PEAK1: variants seen among roughly 807,000 people sequenced by gnomAD.
PEAK1 encodes the protein inactive tyrosine-protein kinase PEAK1.
A neutral mutation model predicts 124.7 loss-of-function variants in PEAK1; 54 were observed. The observed-to-expected ratio is 0.43, with a 90% CI of 0.35 to 0.54. PEAK1 has a LOEUF of 0.54. Ranked by LOEUF, PEAK1 falls within the 20% of genes least tolerant of loss-of-function variation. PEAK1 has a pLI of 0.01. For synonymous variants in PEAK1, 719 were observed against 760.0 expected (o/e 0.95, Z 0.89); for missense variants, 2,046 against 2,134.5 (o/e 0.96, Z 0.82).
In PEAK1 at chr15:77,180,399, T is replaced by C; in HGVS notation, c.1528A>G (p.Thr510Ala). 1 of 1,614,180 alleles carries C rather than the reference T, an allele frequency of 6.2e-7. No homozygotes were observed. The highest frequency in any genetic ancestry group is 8.5e-7 in the Non-Finnish European group (1 of 1,180,014). Residue 510 changes from threonine to alanine, a missense_variant, in exon 7 of 10, where the codon ACA becomes GCA. By Grantham distance (58) the Thr-to-Ala change is moderately conservative (BLOSUM62 0). Transcript: ENST00000682557. ...TGTCCTGGTGTCAATGAAGATGATG[T>C]AACTGGAGAGTTTGGAGTAGAGGAT... ...SSSSTPNSPV[T>A]SSSLTPGQIS...
At chr15:77,151,192 A>C (rs1237883814) in intron 8 of PEAK1, among the ~76,000 whole-genome samples, 1 of 151,686 alleles carries the variant, frequency 6.6e-6, no homozygotes, top group Non-Finnish European at 1.5e-5. Context: ...CTGACTTTTT[A>C]ATGATCACCA....
chr15:77,252,453 T>A lies in PEAK1; in HGVS notation c.-201A>T, dbSNP rs1348115359. 2.4e-5 allele frequency: 24 copies of A among 984,966 alleles called. No individual in the cohort carries two copies. The Admixed American group carries it at 1.5e-3, about 61-fold the overall frequency. The allele number at this position is 984,966 out of a possible 1,614,324, so 61.0% of individuals were successfully genotyped here. ...ACATTCCTTCCAAATTTCAAGGTGC[T>A]TTGGGTCTTTCCAAGATGAATGTCC... is the stretch of plus-strand genomic sequence containing the variant. On this transcript the variant is annotated 5_prime_UTR_variant, in exon 6 of 10. The change creates a new upstream start codon in the 5' untranslated region. Transcript: ENST00000682557.
At chr15:77,378,439 T>C (rs1445157058) in intron 1 of PEAK1, among the ~76,000 whole-genome samples, 5 of 152,088 alleles carry the variant, frequency 3.3e-5, no homozygotes, top group Non-Finnish European at 5.9e-5. Context: ...ATAGTCTAAC[T>C]GCCAGGAATC....
chr15:77,159,694 T>C (rs2055461888), intron 7 of PEAK1, among the ~76,000 whole-genome samples: 1 of 152,214 alleles, frequency 6.6e-6, no homozygotes. Context: ...TATTTGTGGA[T>C]TTTCAATTGG....
In PEAK1 at chr15:77,178,416, G is replaced by A. The variant is rs1052835383; in HGVS notation, c.3137+374C>T. On this transcript the variant is annotated intron_variant, in intron 7 of 9. Transcript: ENST00000682557. ...AAGAGCTTTATTTCATTTACAGTGAGGGAAAGAACAGTACCACCATTTATT... is the reference window on the plus strand; with the variant it reads ...AAGAGCTTTATTTCATTTACAGTGAAGGAAAGAACAGTACCACCATTTATT... 6 of 238,528 alleles carry A rather than the reference G, an allele frequency of 2.5e-5. No individual in the cohort carries two copies. In the Admixed American group the frequency reaches 2.6e-4, roughly 10 times the overall value. 14.8% of individuals were successfully genotyped at this position (238,528 alleles called of 1,614,324 possible).
At chr15:77,206,922 G>A (rs2058686521) in intron 6 of PEAK1, among the ~76,000 whole-genome samples, 1 of 152,098 alleles carries the variant, frequency 6.6e-6, no homozygotes, top group Non-Finnish European at 1.5e-5. Context: ...CAGAGATATA[G>A]ATCAATGGAA....
At chr15:77,107,689 T>A (rs1047556986), downstream of PEAK1, 4 of 152,306 alleles carry the variant, frequency 2.6e-5, no homozygotes, top group African/African-American at 9.6e-5. Flanking sequence ...CCCCTGTGTA[T>A]CACTGTGTCA....
chr15:77,303,620 A>G (rs1437906450), intron 2 of PEAK1, among the ~76,000 whole-genome samples: 6 of 152,276 alleles, frequency 3.9e-5, no homozygotes, highest in Middle Eastern at 3.4e-3. Context: ...TTGAGTCTTA[A>G]GAGTTCTTTG....
chr15:77,299,805 C>T (rs2063695891), intron 2 of PEAK1, among the ~76,000 whole-genome samples: 1 of 152,184 alleles, frequency 6.6e-6, no homozygotes, highest in Admixed American at 6.5e-5. Flanking sequence ...TCACTGATTA[C>T]AATAATTGGC....
chr15:77,143,084 A>G (rs778690344), intron 8 of PEAK1, among the ~76,000 whole-genome samples: 1 of 152,114 alleles, frequency 6.6e-6, no homozygotes, highest in Non-Finnish European at 1.5e-5. Context: ...TTAACTAAGG[A>G]TGTAGGGGCT....
chr15:77,254,054 A>G (rs1460232027), intron 5 of PEAK1, among the ~76,000 whole-genome samples: 3 of 152,172 alleles, frequency 2.0e-5, no homozygotes, highest in Admixed American at 2.0e-4. Context: ...TCCTGACCTC[A>G]GGTGATCCAC....
At chr15:77,313,684 GT>G (rs2064651503) in intron 2 of PEAK1, among the ~76,000 whole-genome samples, 1 of 119,726 alleles carries the variant, frequency 8.4e-6, no homozygotes, top group Admixed American at 8.3e-5. Flanking sequence ...GTGTGTGTGT[GT>G]GTGTGTGTAT....
At chr15:77,377,060 T>C (rs373852552) in intron 1 of PEAK1, among the ~76,000 whole-genome samples, 2 of 152,098 alleles carry the variant, frequency 1.3e-5, no homozygotes, top group Admixed American at 6.5e-5. Flanking sequence ...TTGAATACTG[T>C]AGGCAATAAC....
intron 6 of PEAK1, among the ~76,000 whole-genome samples, chr15:77,250,162 TATAC>T (rs2060785018): frequency 7.0e-6 from 1 of 142,248 alleles, no homozygotes; most frequent in East Asian, 2.0e-4. Flanking sequence ...TATACATATA[TATAC>T]ATATATATGT....
chr15:77,349,051 T>C (rs2067049461), intron 2 of PEAK1: 3 of 919,426 alleles, frequency 3.3e-6, no homozygotes, highest in African/African-American at 1.8e-5. Context: ...ATTTTTTTTT[T>C]TTTTTTGAGG....
chr15:77,253,248 G>T (rs930875891), intron 5 of PEAK1, among the ~76,000 whole-genome samples: 14 of 150,416 alleles, frequency 9.3e-5, no homozygotes, highest in South Asian at 8.4e-4. Context: ...TATGCGTTGG[G>T]GGGGGGGTGG....
rs570132046 is a variant in PEAK1, at chr15:77,379,331, G to A, written c.-665-14106C>T. Among the ~76,000 whole-genome samples, 8 of 152,232 alleles carry A rather than the reference G, an allele frequency of 5.3e-5. No individual in the cohort carries two copies. In the East Asian group the frequency reaches 5.8e-4, roughly 11 times the overall value. On this transcript the variant is annotated intron_variant, in intron 1 of 9. Transcript: ENST00000682557. ...GCATTCTCTATTGAACTAAAAAGTCGTAAGAGAATGTGAGTCACTTTTGAA... is the reference window on the plus strand; with the variant it reads ...GCATTCTCTATTGAACTAAAAAGTCATAAGAGAATGTGAGTCACTTTTGAA...
At position 77,317,882 on chromosome 15, in the gene PEAK1, T is replaced by C. The variant is rs183812317; in HGVS notation, c.-602-31378A>G. ...CTATTGATATACGTAACAATTTGGA[T>C]AGATCTCAAGGGAATCATGTTGGGT... On this transcript the variant is annotated intron_variant, in intron 2 of 9. Transcript: ENST00000682557. 2.4e-3 allele frequency among the ~76,000 whole-genome samples: 371 copies of C among 152,308 alleles called. 1 individual carries two copies. Among genetic ancestry groups the C allele is most frequent in the African/African-American group, 8.4e-3 (351 of 41,560 alleles).
intron 1 of PEAK1, chr15:77,418,515 G>T (rs1313364590): frequency 1.9e-5 from 19 of 984,704 alleles, no homozygotes; most frequent in South Asian, 4.7e-5. Context: ...TACTTCCATT[G>T]TTCATCTCTG....
Sources: gnomAD v4.1 joint callset for allele counts (sites outside exome capture counted in the v4.1 genomes callset) on GRCh38, gnomAD v4.1.1 for gene constraint, MANE v1.5 for transcripts, NCBI Gene and HGNC (gene_info 2026-07-23, HGNC 2026-07-21) for gene names.